IGSF10: variants seen among roughly 807,000 people sequenced by gnomAD.
IGSF10 encodes the protein calvaria mechanical force protein 608.
In IGSF10, 126 loss-of-function variants were observed where a neutral mutation model predicts 128.2. The observed-to-expected ratio is 0.98, with a 90% CI of 0.85 to 1.14. The LOEUF is 1.14. Among genes scored for constraint, IGSF10 ranks in the 50% most tolerant of loss-of-function variants. IGSF10 has a pLI of 0.00. For missense variants in IGSF10, 3,295 were observed against 3,149.8 expected (o/e 1.05, Z -1.10); for synonymous variants, 1,185 against 1,146.2 (o/e 1.03, Z -0.68).
At chr3:151,535,094 TGA>T in the IGSF10 span, among the ~76,000 whole-genome samples, 26 of 152,138 alleles carry the variant, frequency 1.7e-4, no homozygotes, top group Non-Finnish European at 2.6e-4. Flanking sequence ...TAAAGGTTTT[TGA>T]GAGAACTAAA....
At chr3:151,505,357 G>A in the IGSF10 span, among the ~76,000 whole-genome samples, 7 of 152,110 alleles carry the variant, frequency 4.6e-5, 1 homozygote, top group Admixed American at 3.9e-4. Context: ...TTACTATCAC[G>A]AGAATAGAAA....
rs1398312386 is a variant in IGSF10, at chr3:151,447,222, G to A, written c.2759C>T (p.Pro920Leu). 1 of 1,614,000 alleles carries A rather than the reference G, an allele frequency of 6.2e-7. No individual in the cohort carries two copies. Among genetic ancestry groups the A allele is most frequent in the African/African-American group, 1.3e-5 (1 of 74,896 alleles). ...GATCATAGTCCTTACTGTTATTGGG[G>A]GTCTACTTTGGAAATGCTCTCTTCC... ...GRGREHFQSRPPITVRTMIKD... is the reference protein window; with the variant it reads ...GRGREHFQSRLPITVRTMIKD... Residue 920 changes from proline (P) to leucine (L), a missense_variant, in exon 6 of 8, where the codon CCC (proline) becomes CTC (leucine). By Grantham distance (98) the Pro-to-Leu change is moderately conservative (BLOSUM62 -3). Transcript: ENST00000282466.
Position 151,446,112 on chromosome 3 carries a change from G to T in IGSF10, c.3869C>A (p.Pro1290His), listed in dbSNP as rs1289087991. 16 of 1,614,010 alleles carry T rather than the reference G, an allele frequency of 9.9e-6. No individual in the cohort carries two copies. Among genetic ancestry groups the T allele is most frequent in the Non-Finnish European group, 1.4e-5 (16 of 1,180,040 alleles). Residue 1290 changes from proline (P) to histidine (H), a missense_variant, in exon 6 of 8, where the codon CCC becomes CAC. Pro to His is a moderately conservative substitution (Grantham distance 77). Transcript: ENST00000282466. ...AAGCATAGGGTTAAGGGGTGGGAAG[G>T]GAAGCTCCTTCTTTGTTGGAAGACT... ...PGSLPTKKEL[P>H]FPPLNPMLPS...
chr3:151,571,204 G>T, the IGSF10 span, among the ~76,000 whole-genome samples: 1 of 152,150 alleles, frequency 6.6e-6, no homozygotes, highest in South Asian at 2.1e-4. Context: ...AGATTGTCTT[G>T]GCAATGAAGG....
chr3:151,437,864 T>G lies in IGSF10; in HGVS notation c.6697A>C (p.Lys2233Gln). The change falls in exon 8 of 8, where the codon AAA becomes CAA. Residue 2233 changes from lysine (K) to glutamine (Q), a missense_variant. Physicochemically the swap from Lys to Gln is moderately conservative, Grantham distance 53. Transcript: ENST00000282466. The part of the protein sequence containing the change: ...TKMYKLDVVS[K>Q]PPLINGLYTN... ...TACAGACCATTGATTAATGGAGGTT[T>G]AGAGACCACATCCAGTTTGTACATT... is the stretch of plus-strand genomic sequence containing the variant. 1 of 1,614,158 alleles carries G rather than the reference T, an allele frequency of 6.2e-7. No homozygotes were observed. Among genetic ancestry groups the G allele is most frequent in the Non-Finnish European group, 8.5e-7 (1 of 1,179,986 alleles).
At chr3:151,434,427 C>CT (rs1719864811), downstream of IGSF10, 1 of 152,206 alleles carries the variant, frequency 6.6e-6, no homozygotes, top group Admixed American at 6.5e-5. Context: ...TCACTCCAGC[C>CT]TGCCCATTTT....
At chr3:151,619,253 C>T in the IGSF10 span, among the ~76,000 whole-genome samples, 1 of 152,040 alleles carries the variant, frequency 6.6e-6, no homozygotes, top group Non-Finnish European at 1.5e-5. Flanking sequence ...CATTGGCCTC[C>T]CCCTGCTTCC....
the IGSF10 span, among the ~76,000 whole-genome samples, chr3:151,502,472 T>C: frequency 6.6e-6 from 1 of 151,996 alleles, no homozygotes; most frequent in African/African-American, 2.4e-5. Flanking sequence ...TTAGCTCCAC[T>C]AAAAAAGCAG....
At chr3:151,489,130 A>C in the IGSF10 span, among the ~76,000 whole-genome samples, 39 of 152,222 alleles carry the variant, frequency 2.6e-4, no homozygotes, top group African/African-American at 7.5e-4. Context: ...ATTTACAGGA[A>C]AGAAACAAAC....
At chr3:151,516,116 T>C in the IGSF10 span, among the ~76,000 whole-genome samples, 1 of 152,000 alleles carries the variant, frequency 6.6e-6, no homozygotes, top group Non-Finnish European at 1.5e-5. Context: ...CTGCCCTTGC[T>C]GTCCACGCTA....
the IGSF10 span, among the ~76,000 whole-genome samples, chr3:151,498,597 G>A: frequency 6.6e-6 from 1 of 151,816 alleles, no homozygotes; most frequent in Non-Finnish European, 1.5e-5. Flanking sequence ...AAAGGCCTTT[G>A]AAGTGGTATT....
chr3:151,514,427 T>C, the IGSF10 span, among the ~76,000 whole-genome samples: 1 of 152,116 alleles, frequency 6.6e-6, no homozygotes, highest in East Asian at 1.9e-4. Flanking sequence ...ATGTAAAAAG[T>C]TGAAACTGGA....
chr3:151,598,152 T>TC, the IGSF10 span, among the ~76,000 whole-genome samples: 1 of 150,652 alleles, frequency 6.6e-6, no homozygotes, highest in South Asian at 2.1e-4. Context: ...TTTTGCTTCT[T>TC]CCCCCCACCG....
At chr3:151,517,324 G>A in the IGSF10 span, among the ~76,000 whole-genome samples, 5 of 151,972 alleles carry the variant, frequency 3.3e-5, no homozygotes, top group Non-Finnish European at 7.4e-5. Context: ...TGCTTAAAGT[G>A]AGTAGACTGT....
At chr3:151,476,455 C>A in the IGSF10 span, among the ~76,000 whole-genome samples, 1 of 152,114 alleles carries the variant, frequency 6.6e-6, no homozygotes, top group Admixed American at 6.5e-5. Flanking sequence ...CAGGAAGCAT[C>A]CTAGTCTGAC....
chr3:151,435,245 T>C (rs1720010655), downstream of IGSF10: 1 of 41,112 alleles, frequency 2.4e-5, no homozygotes, highest in Non-Finnish European at 4.7e-5. Flanking sequence ...TGGAGTCAGC[T>C]ATACCTATCA....
the IGSF10 span, among the ~76,000 whole-genome samples, chr3:151,542,452 C>G: frequency 6.6e-6 from 1 of 152,150 alleles, no homozygotes; most frequent in East Asian, 1.9e-4. Flanking sequence ...CCTCTGTATT[C>G]TAGTCCTCTT....
the IGSF10 span, among the ~76,000 whole-genome samples, chr3:151,521,322 T>C: frequency 8.6e-5 from 13 of 151,696 alleles, no homozygotes; most frequent in African/African-American, 2.9e-4. Context: ...GTCAGAAAAT[T>C]CAGATATGCA....
chr3:151,615,432 C>G, the IGSF10 span, among the ~76,000 whole-genome samples: 2 of 152,070 alleles, frequency 1.3e-5, no homozygotes, highest in Non-Finnish European at 2.9e-5. Context: ...AACTACTTTT[C>G]TCCTATATTG....
Sources: allele counts gnomAD v4.1 joint callset (sites outside exome capture counted in the v4.1 genomes callset), GRCh38; gene constraint gnomAD v4.1.1; transcripts MANE v1.5; gene names NCBI Gene and HGNC (gene_info 2026-07-23, HGNC 2026-07-21).